AGMO: variants seen among roughly 807,000 people sequenced by gnomAD.
AGMO encodes the protein alkylglycerol monooxygenase, also known as glyceryl-ether monooxygenase.
A neutral mutation model predicts 60.2 loss-of-function variants in AGMO; 75 were observed. The observed-to-expected ratio is 1.25, with a 90% CI of 1.03 to 1.51. The LOEUF (loss-of-function observed/expected upper bound fraction) is 1.51. Among genes scored for constraint, AGMO ranks in the 40% most tolerant of loss-of-function variants. The pLI, the probability that AGMO is intolerant of heterozygous loss-of-function variation, is 0.00. For synonymous variants in AGMO, 261 were observed against 177.1 expected (o/e 1.47, Z -3.76); for missense variants, 763 against 525.5 (o/e 1.45, Z -4.42).
intron 12 of AGMO, among the ~76,000 whole-genome samples, chr7:15,252,717 C>T (rs1441974878): frequency 1.3e-5 from 2 of 152,172 alleles, no homozygotes; most frequent in Non-Finnish European, 2.9e-5. Context: ...CAGTTAAGAA[C>T]TTGTGATTCT....
intron 3 of AGMO, among the ~76,000 whole-genome samples, chr7:15,480,130 T>C (rs1020483859): frequency 3.3e-5 from 5 of 152,104 alleles, no homozygotes; most frequent in African/African-American, 7.2e-5. Flanking sequence ...TAGAAGAATC[T>C]GAGGCAGTAG....
At chr7:15,361,121 A>G (rs767719008) in intron 12 of AGMO, among the ~76,000 whole-genome samples, 1 of 152,130 alleles carries the variant, frequency 6.6e-6, no homozygotes, top group Non-Finnish European at 1.5e-5. Context: ...ACAGCTTAGA[A>G]GCAGCGTCTC....
chr7:15,373,685 G>C (rs901193241), intron 10 of AGMO, among the ~76,000 whole-genome samples: 4 of 151,992 alleles, frequency 2.6e-5, no homozygotes, highest in Non-Finnish European at 5.9e-5. Flanking sequence ...ATAACAGTAT[G>C]TTTCCATATG....
intron 3 of AGMO, among the ~76,000 whole-genome samples, chr7:15,467,974 C>T (rs1782338595): frequency 6.6e-6 from 1 of 152,122 alleles, no homozygotes; most frequent in African/African-American, 2.4e-5. Flanking sequence ...CCTTTGACCT[C>T]AGCAGACCTA....
At chr7:15,354,423 C>CACGCGTGTAT (rs1782409665) in intron 12 of AGMO, among the ~76,000 whole-genome samples, 3 of 27,466 alleles carry the variant, frequency 1.1e-4, no homozygotes, top group South Asian at 4.4e-3. Context: ...TGTGTGTATA[C>CACGCGTGTAT]ACACACGTGT....
chr7:15,288,465 T>A, intron 12 of AGMO, among the ~76,000 whole-genome samples: 1 of 152,230 alleles, frequency 6.6e-6, no homozygotes, highest in Non-Finnish European at 1.5e-5. Context: ...TACATAAAAA[T>A]GAATCTTTTA....
chr7:15,440,349 T>C (rs1013470860), intron 3 of AGMO, among the ~76,000 whole-genome samples: 2 of 152,136 alleles, frequency 1.3e-5, no homozygotes, highest in African/African-American at 4.8e-5. Context: ...TGCTCATATA[T>C]ATGTTTTGGA....
At chr7:15,157,603 T>G in the AGMO span, among the ~76,000 whole-genome samples, 1 of 152,162 alleles carries the variant, frequency 6.6e-6, no homozygotes, top group African/African-American at 2.4e-5. Context: ...GCAACAGCCT[T>G]GAAGAGACTT....
intron 12 of AGMO, among the ~76,000 whole-genome samples, chr7:15,239,442 G>C (rs1031074937): frequency 6.6e-6 from 1 of 152,046 alleles, no homozygotes; most frequent in Admixed American, 6.6e-5. Flanking sequence ...TCATGCTGAA[G>C]AAAACAATGG....
At chr7:15,256,719 T>C (rs1783110559) in intron 12 of AGMO, among the ~76,000 whole-genome samples, 1 of 152,180 alleles carries the variant, frequency 6.6e-6, no homozygotes, top group Admixed American at 6.5e-5. Context: ...TACAGTGTTC[T>C]CTACCTGTAG....
At chr7:15,378,324 T>C (rs1013681608) in intron 10 of AGMO, among the ~76,000 whole-genome samples, 1 of 152,076 alleles carries the variant, frequency 6.6e-6, no homozygotes, top group Admixed American at 6.6e-5. Context: ...TAAATATATA[T>C]GGACAACACC....
chr7:15,238,524 C>T (rs1388138003), intron 12 of AGMO, among the ~76,000 whole-genome samples: 1 of 151,652 alleles, frequency 6.6e-6, no homozygotes, highest in Non-Finnish European at 1.5e-5. Flanking sequence ...ATCACATGTG[C>T]TCCCAAAATA....
chr7:15,146,116 C>T, the AGMO span, among the ~76,000 whole-genome samples: 1 of 152,090 alleles, frequency 6.6e-6, no homozygotes, highest in Non-Finnish European at 1.5e-5. Context: ...TAAAAATCTG[C>T]TATAGCACAG....
chr7:15,212,576 C>A (rs187522613), intron 12 of AGMO, among the ~76,000 whole-genome samples: 3 of 151,952 alleles, frequency 2.0e-5, no homozygotes, highest in African/African-American at 7.2e-5. Context: ...AGATCAATCC[C>A]AGGACTATAT....
intron 3 of AGMO, among the ~76,000 whole-genome samples, chr7:15,517,087 G>A (rs1783830224): frequency 6.6e-6 from 1 of 151,880 alleles, no homozygotes; most frequent in East Asian, 1.9e-4. Context: ...ATTTGATAAT[G>A]TTAAATTTTT....
chr7:15,428,245 G>C (rs977063369), intron 4 of AGMO, among the ~76,000 whole-genome samples: 4 of 151,962 alleles, frequency 2.6e-5, no homozygotes, highest in Non-Finnish European at 5.9e-5. Flanking sequence ...ACCATCACAG[G>C]CCCTTAAAAC....
At position 15,357,687 on chromosome 7, in the gene AGMO, G is replaced by A. The variant is rs572745408; in HGVS notation, c.1263+7827C>T. On this transcript the variant is annotated intron_variant, in intron 12 of 12. Transcript: ENST00000342526. ...CAGAACTTGGCCTGGCCCACTAGAGGGTGAGAGGCTATGCGGACAGAAAAC... is the reference window on the plus strand; with the variant it reads ...CAGAACTTGGCCTGGCCCACTAGAGAGTGAGAGGCTATGCGGACAGAAAAC... Among the ~76,000 whole-genome samples, 70 of 152,306 alleles carry A rather than the reference G, an allele frequency of 4.6e-4. No homozygotes were observed. In the South Asian group the frequency reaches 5.2e-3, roughly 11 times the overall value.
the AGMO span, among the ~76,000 whole-genome samples, chr7:15,143,321 A>C: frequency 6.6e-6 from 1 of 152,124 alleles, no homozygotes; most frequent in Non-Finnish European, 1.5e-5. Context: ...TGTAAATCTG[A>C]TGGACCAACA....
At chr7:15,351,143 G>C (rs894799627) in intron 12 of AGMO, among the ~76,000 whole-genome samples, 1 of 152,042 alleles carries the variant, frequency 6.6e-6, no homozygotes, top group Non-Finnish European at 1.5e-5. Flanking sequence ...AGTTATAGCA[G>C]GTAGTAATCT....
Sources: gnomAD v4.1 joint callset for allele counts (sites outside exome capture counted in the v4.1 genomes callset) on GRCh38, gnomAD v4.1.1 for gene constraint, MANE v1.5 for transcripts, NCBI Gene and HGNC (gene_info 2026-07-23, HGNC 2026-07-21) for gene names.